The following R3HDM2 variants were observed in gnomAD, a reference collection of about 807,000 sequenced individuals.
The protein encoded by R3HDM2 is R3H domain-containing protein 2.
In R3HDM2, 38 loss-of-function variants were observed where a neutral mutation model predicts 124.5. That is an observed-to-expected ratio of 0.31 (90% CI 0.24 to 0.40). R3HDM2 has a LOEUF of 0.40. R3HDM2 is among the 10% of genes least tolerant of loss of function. R3HDM2 has a pLI of 1.00. For synonymous variants in R3HDM2, 391 were observed against 448.0 expected, an observed-to-expected ratio of 0.87 and a Z score of 1.61; for missense variants, 869 against 1,236.9, an observed-to-expected ratio of 0.70 and a Z score of 4.46.
rs764911938 is a variant in R3HDM2 at position 57,272,576 on chromosome 12, T to C, written c.1345-2582A>G. The C allele has an allele frequency of 1.3e-5, 16 of 1,194,622 alleles. No individual in the cohort carries two copies. In the South Asian group the frequency reaches 2.2e-4, roughly 16 times the overall value. The allele number at this position is 1,194,622 out of a possible 1,614,324, so 74.0% of individuals were successfully genotyped here. On this transcript the variant is annotated intron_variant, in intron 14 of 23. Transcript: ENST00000402412. The stretch of plus-strand genomic sequence containing the variant: ...CTGGCTGTGGGCCAGCAGAGAGGCA[T>C]GTGGAAAAGGGAAGAGAAAAGAGAG...
chr12:57,257,965 A>G, intron 21 of R3HDM2, 25 bp downstream of exon 21: 2 of 1,463,852 alleles, frequency 1.4e-6, no homozygotes, highest in East Asian at 4.8e-5. Context: ...ATTCCATAGC[A>G]GCCAGCACTA....
chr12:57,261,117 C>G (rs2040705082), intron 19 of R3HDM2, among the ~76,000 whole-genome samples: 1 of 152,188 alleles, frequency 6.6e-6, no homozygotes, highest in Non-Finnish European at 1.5e-5. Flanking sequence ...CATTTAACAA[C>G]TCTCCCCTTA....
At chr12:57,428,927 A>C (rs1868805077) in intron 1 of R3HDM2, among the ~76,000 whole-genome samples, 1 of 151,922 alleles carries the variant, frequency 6.6e-6, no homozygotes, top group African/African-American at 2.4e-5. Flanking sequence ...TTGTATTTTT[A>C]GTAGAGACGG....
chr12:57,383,373 T>C (rs1360721662), intron 2 of R3HDM2, among the ~76,000 whole-genome samples: 2 of 152,140 alleles, frequency 1.3e-5, no homozygotes, highest in African/African-American at 2.4e-5. Context: ...CTTTAATACA[T>C]TGGGATCACA....
intron 1 of R3HDM2, among the ~76,000 whole-genome samples, chr12:57,424,114 C>CA (rs35579430): frequency 0.27 from 17,190 of 63,918 alleles, 2,188 homozygotes; most frequent in Middle Eastern, 0.72. Flanking sequence ...AACTCTGTCT[C>CA]AAAAAAAAAA....
intron 2 of R3HDM2, among the ~76,000 whole-genome samples, chr12:57,362,575 T>C (rs2062082025): frequency 6.6e-6 from 1 of 152,202 alleles, no homozygotes; most frequent in Non-Finnish European, 1.5e-5. Flanking sequence ...ATGTGGATTT[T>C]TGACTGCATG....
chr12:57,265,201 A>G (rs2042026694), intron 19 of R3HDM2, among the ~76,000 whole-genome samples: 1 of 152,232 alleles, frequency 6.6e-6, no homozygotes, highest in South Asian at 2.1e-4. Context: ...TCAGTATGGG[A>G]TGCGGAAAGT....
rs1169015608 is a variant in R3HDM2 at position 57,256,528 on chromosome 12, A to G, written c.2450-17T>C. On this transcript the variant is annotated splice_polypyrimidine_tract_variant and intron_variant, in intron 21 of 23. Coordinates refer to ENST00000402412, the MANE Select transcript of R3HDM2 (RefSeq NM_001394031.1). Reference sequence around the variant, plus strand: ...GCCCATCACCTAGGGAGTAAGAGCAATTGGTTTTCTGGGAGCTTAAGCTTC... The same window carrying G: ...GCCCATCACCTAGGGAGTAAGAGCAGTTGGTTTTCTGGGAGCTTAAGCTTC... The G allele has an allele frequency of 5.2e-6, 8 of 1,536,314 alleles. No individual in the cohort carries two copies. In the African/African-American group the frequency reaches 8.3e-5, roughly 16 times the overall value.
chr12:57,374,314 T>C (rs927437699), intron 2 of R3HDM2, among the ~76,000 whole-genome samples: 2 of 150,312 alleles, frequency 1.3e-5, no homozygotes, highest in African/African-American at 4.9e-5. Context: ...AGTGAGACCA[T>C]CTCAAAAAAA....
chr12:57,429,397 A>C (rs1869022350), intron 1 of R3HDM2, among the ~76,000 whole-genome samples: 1 of 152,184 alleles, frequency 6.6e-6, no homozygotes, highest in Non-Finnish European at 1.5e-5. Flanking sequence ...CTAAAAACTG[A>C]ACTGAATTAA....
chr12:57,258,398 G>A (rs1249879553), intron 20 of R3HDM2, among the ~76,000 whole-genome samples: 1 of 151,756 alleles, frequency 6.6e-6, no homozygotes, highest in Non-Finnish European at 1.5e-5. Flanking sequence ...AGGCTGGAGT[G>A]CAGTGGTGCA....
rs150283427 is a variant in R3HDM2, at chr12:57,389,095, G to T, written c.-36+6654C>A. Among the ~76,000 whole-genome samples the T allele has an allele frequency of 4.8e-3, 727 of 152,256 alleles. 5 individuals carry two copies. Among genetic ancestry groups the T allele is most frequent in the Middle Eastern group, 0.01 (3 of 294 alleles). On this transcript the variant is annotated intron_variant, in intron 2 of 23. Transcript: ENST00000402412. ...TCTTGGTCTACCCTCCAGAGGAAATGCAAACAAGAAGGAAAATAACCAAAA... is the reference window on the plus strand; with the variant it reads ...TCTTGGTCTACCCTCCAGAGGAAATTCAAACAAGAAGGAAAATAACCAAAA...
chr12:57,427,249 C>T (rs1415124167), intron 1 of R3HDM2, among the ~76,000 whole-genome samples: 1 of 150,268 alleles, frequency 6.7e-6, no homozygotes, highest in Non-Finnish European at 1.5e-5. Context: ...TGACATCGTG[C>T]CACTGCACTC....
chr12:57,278,252 C>T (rs866263512), intron 14 of R3HDM2, among the ~76,000 whole-genome samples: 3 of 152,178 alleles, frequency 2.0e-5, no homozygotes, highest in Non-Finnish European at 4.4e-5. Flanking sequence ...CAACGATCGA[C>T]CAATTGACCC....
At chr12:57,366,719 T>C (rs551713671) in intron 2 of R3HDM2, among the ~76,000 whole-genome samples, 6 of 152,288 alleles carry the variant, frequency 3.9e-5, no homozygotes, top group Admixed American at 6.5e-5. Flanking sequence ...AGACAGAGTC[T>C]CGCTCTGTTG....
chr12:57,313,250 G>C (rs1489228883), intron 2 of R3HDM2, among the ~76,000 whole-genome samples: 1 of 152,066 alleles, frequency 6.6e-6, no homozygotes, highest in Non-Finnish European at 1.5e-5. Context: ...CTCTTGGCTA[G>C]GAAACATTAA....
At chr12:57,305,320 A>G (rs1266510757) in intron 3 of R3HDM2, among the ~76,000 whole-genome samples, 1 of 152,204 alleles carries the variant, frequency 6.6e-6, no homozygotes, top group African/African-American at 2.4e-5. Context: ...CTGTGTAGCT[A>G]TACCATAACT....
At position 57,402,822 on chromosome 12, in the gene R3HDM2, G is replaced by C. The variant is rs187014744; in HGVS notation, c.-105-7004C>G. On this transcript the variant is annotated intron_variant, in intron 1 of 23. Transcript: ENST00000402412. Reference sequence around the variant, plus strand: ...TCCACCTGCCTTGGCCTCCCAAAATGCTGGGATTACAGACATAAGCTACTG... The same window carrying C: ...TCCACCTGCCTTGGCCTCCCAAAATCCTGGGATTACAGACATAAGCTACTG... Among the ~76,000 whole-genome samples, 155 of 152,150 alleles carry C rather than the reference G, an allele frequency of 1.0e-3. No homozygotes were observed. The East Asian group carries it at 0.024, about 24-fold the overall frequency.
chr12:57,313,472 G>A (rs1178905401), intron 2 of R3HDM2, among the ~76,000 whole-genome samples: 2 of 151,752 alleles, frequency 1.3e-5, no homozygotes, highest in Non-Finnish European at 2.9e-5. Flanking sequence ...GCTGAGGCGG[G>A]AGGATCACTT....
Sources: gnomAD v4.1 joint callset for allele counts (sites outside exome capture counted in the v4.1 genomes callset) on GRCh38, gnomAD v4.1.1 for gene constraint, MANE v1.5 for transcripts, NCBI Gene and HGNC (gene_info 2026-07-23, HGNC 2026-07-21) for gene names.